VPS26A: variants seen among roughly 807,000 people sequenced by gnomAD.
VPS26A encodes the protein VPS26 retromer complex component A.
VPS26A carries 22 observed loss-of-function variants against 42.4 expected under a neutral mutation model. The observed-to-expected ratio is 0.52, with a 90% CI of 0.37 to 0.74. The LOEUF (loss-of-function observed/expected upper bound fraction) is 0.74. VPS26A is among the 30% of genes least tolerant of loss of function. VPS26A has a pLI of 0.00. For missense variants in VPS26A, 276 were observed against 379.2 expected (o/e 0.73, Z 2.26); for synonymous variants, 110 against 123.5 (o/e 0.89, Z 0.73).
intron 2 of VPS26A, among the ~76,000 whole-genome samples, chr10:69,135,132 A>T (rs1840875678): frequency 6.6e-6 from 1 of 152,320 alleles, no homozygotes; most frequent in African/African-American, 2.4e-5. Context: ...TTTCTTTTAC[A>T]GATATGACAT....
At chr10:69,149,045 C>T (rs1284749262) in intron 2 of VPS26A, among the ~76,000 whole-genome samples, 1 of 151,998 alleles carries the variant, frequency 6.6e-6, no homozygotes, top group African/African-American at 2.4e-5. Context: ...TGTGAGCCAC[C>T]GCGCCCAGCC....
rs1193681126 is a variant in VPS26A, at chr10:69,174,041, A to G, written c.*2772A>G. Among the ~76,000 whole-genome samples the G allele has an allele frequency of 1.3e-5, 2 of 152,214 alleles. No homozygotes were observed. Among genetic ancestry groups the G allele is most frequent in the African/African-American group, 2.4e-5 (1 of 41,464 alleles). ...CAATCAGCAGGACGTGGGCGGGGAC[A>G]AATAAGAGAATAAAAGCTGGCCACC... On this transcript the variant is annotated 3_prime_UTR_variant, in exon 9 of 9. Coordinates refer to ENST00000263559, the MANE Select transcript of VPS26A (RefSeq NM_004896.5).
At position 69,124,304 on chromosome 10, in the gene VPS26A, C is replaced by T. The variant is rs920824339; in HGVS notation, c.3+24C>T. The T allele has an allele frequency of 3.2e-6, 4 of 1,247,608 alleles. No homozygotes were observed. In the Admixed American group the frequency reaches 1.3e-4, roughly 40 times the overall value. 77.3% of individuals were successfully genotyped at this position (1,247,608 alleles called of 1,614,324 possible). A position where few individuals can be genotyped will look rare whatever the true frequency, so the allele number is the denominator to read the frequency against. On this transcript the variant is annotated intron_variant, in intron 1 of 8. Coordinates refer to ENST00000263559, the MANE Select transcript of VPS26A (RefSeq NM_004896.5). ...TGGTGAGTGCGCGGCGGCCAGCGCG[C>T]TCGCCTCCCGCCCTCGTCCCGGAGC...
chr10:69,164,266 G>T (rs1327565624), intron 6 of VPS26A, among the ~76,000 whole-genome samples: 5 of 150,646 alleles, frequency 3.3e-5, no homozygotes, highest in African/African-American at 4.9e-5. Context: ...CACCCAGGCT[G>T]GAGTGCAATG....
At chr10:69,160,019 A>G (rs577614508) in intron 5 of VPS26A, among the ~76,000 whole-genome samples, 1 of 152,234 alleles carries the variant, frequency 6.6e-6, no homozygotes, top group Non-Finnish European at 1.5e-5. Context: ...ATCACTGAAT[A>G]TGTAATACAT....
intron 2 of VPS26A, among the ~76,000 whole-genome samples, chr10:69,151,277 A>C (rs111483566): frequency 4.7e-4 from 62 of 131,164 alleles, no homozygotes; most frequent in East Asian, 8.5e-4. Flanking sequence ...AAAAAAAAAA[A>C]AAAAAACACA....
chr10:69,149,727 G>GTTTTTTTTTTTTTTT (rs151136046), intron 2 of VPS26A, among the ~76,000 whole-genome samples: 5 of 93,964 alleles, frequency 5.3e-5, no homozygotes, highest in Admixed American at 2.3e-4. Flanking sequence ...CTTTCTTGGT[G>GTTTTTTTTTTTTTTT]TTTTTTGTTT....
chr10:69,143,267 C>T (rs1841083106), intron 2 of VPS26A, among the ~76,000 whole-genome samples: 1 of 152,168 alleles, frequency 6.6e-6, no homozygotes, highest in African/African-American at 2.4e-5. Context: ...TGGTAGGTAA[C>T]TCTGGACAGT....
At chr10:69,134,223 C>T (rs4746819) in intron 2 of VPS26A, among the ~76,000 whole-genome samples, 104,813 of 152,002 alleles carry the variant, frequency 0.69, 38,432 homozygotes, top group Non-Finnish European at 0.83. Context: ...TTTGGATGTG[C>T]TTCCTCTAAT....
intron 2 of VPS26A, among the ~76,000 whole-genome samples, chr10:69,154,134 T>TG (rs1009970200): frequency 6.6e-5 from 10 of 152,210 alleles, no homozygotes; most frequent in Non-Finnish European, 2.9e-5. Flanking sequence ...CTGTCTCAGG[T>TG]AATACTTAGA....
intron 7 of VPS26A, among the ~76,000 whole-genome samples, chr10:69,167,395 GC>G (rs1210070105): frequency 6.7e-6 from 1 of 149,626 alleles, no homozygotes; most frequent in Non-Finnish European, 1.5e-5. Flanking sequence ...CTGCATTCCA[GC>G]CTGAATGACA....
intron 2 of VPS26A, chr10:69,133,576 T>A: frequency 1.6e-6 from 2 of 1,289,788 alleles, no homozygotes; most frequent in Non-Finnish European, 2.0e-6. Flanking sequence ...TGTCTATGCA[T>A]GGTCAGATAT....
chr10:69,172,791 G>A lies in VPS26A; in HGVS notation c.*1522G>A, dbSNP rs1308291637. The A allele has an allele frequency of 6.6e-6, 1 of 152,602 alleles. No individual in the cohort carries two copies. The highest frequency in any genetic ancestry group is 1.5e-5 in the Non-Finnish European group (1 of 68,010). 9.5% of individuals were successfully genotyped at this position (152,602 alleles called of 1,614,324 possible). A position where few individuals can be genotyped will look rare whatever the true frequency, so the allele number is the denominator to read the frequency against. Reference sequence around the variant, plus strand: ...GCCAGAAAATATTCAAAGAGATTTTGAAAACCAATTGTATTTAACCAGCCT... The same window carrying A: ...GCCAGAAAATATTCAAAGAGATTTTAAAAACCAATTGTATTTAACCAGCCT... On this transcript the variant is annotated 3_prime_UTR_variant, in exon 9 of 9. Transcript: ENST00000263559.
intron 1 of VPS26A, among the ~76,000 whole-genome samples, chr10:69,129,730 A>G (rs983692746): frequency 3.3e-5 from 5 of 152,134 alleles, no homozygotes; most frequent in Admixed American, 2.0e-4. Context: ...TCACCGTGTT[A>G]GCCAGGCTGG....
intron 1 of VPS26A, among the ~76,000 whole-genome samples, chr10:69,126,760 C>G (rs543155273): frequency 2.0e-5 from 3 of 152,062 alleles, no homozygotes; most frequent in Non-Finnish European, 2.9e-5. Context: ...TTTCATTACC[C>G]TTTATTTCAA....
At chr10:69,160,677 C>A (rs1274342478) in intron 5 of VPS26A, among the ~76,000 whole-genome samples, 2 of 152,112 alleles carry the variant, frequency 1.3e-5, no homozygotes, top group Non-Finnish European at 2.9e-5. Context: ...GTCTTGAACT[C>A]CTGACCTCAG....
chr10:69,170,876 T>C (rs1342221109), intron 8 of VPS26A, among the ~76,000 whole-genome samples: 1 of 152,166 alleles, frequency 6.6e-6, no homozygotes. Flanking sequence ...CAATGAACAA[T>C]TAAAGGATGG....
At position 69,167,482 on chromosome 10, in the gene VPS26A, T is replaced by A. The variant is rs74906010; in HGVS notation, c.728-1007T>A. Among the ~76,000 whole-genome samples the A allele has an allele frequency of 2.3e-3, 343 of 151,006 alleles. 1 individual carries two copies. The highest frequency in any genetic ancestry group is 6.8e-3 in the Admixed American group (103 of 15,166). On this transcript the variant is annotated intron_variant, in intron 7 of 8. Coordinates refer to ENST00000263559, the MANE Select transcript of VPS26A (RefSeq NM_004896.5). The stretch of plus-strand genomic sequence containing the variant: ...CAGGCGCGGTGGCTCACGCCTGTAA[T>A]CCCAGCACTTTGGGAGGCCAAGGTG...
chr10:69,168,665 C>T (rs954831081), intron 8 of VPS26A, 34 bp downstream of exon 8: 34 of 1,599,772 alleles, frequency 2.1e-5, no homozygotes, highest in African/African-American at 1.1e-4. Flanking sequence ...TTATGTTCTG[C>T]GGCAGATCTA....
Sources: gnomAD v4.1 joint callset for allele counts (sites outside exome capture counted in the v4.1 genomes callset) on GRCh38, gnomAD v4.1.1 for gene constraint, MANE v1.5 for transcripts, NCBI Gene and HGNC (gene_info 2026-07-23, HGNC 2026-07-21) for gene names.